RYR2: variants seen among roughly 807,000 people sequenced by gnomAD.
The protein encoded by RYR2 is ryanodine receptor 2, also known as cardiac muscle ryanodine receptor-calcium release channel.
Under a neutral mutation model 601.1 loss-of-function variants are expected in RYR2, and 227 were observed. The observed-to-expected ratio is 0.38, with a 90% CI of 0.34 to 0.42. The LOEUF is 0.42. Ranked by LOEUF, RYR2 falls within the 10% of genes least tolerant of loss-of-function variation. RYR2 has a pLI of 1.00. For synonymous variants in RYR2, 2,223 were observed against 2,175.1 expected, an observed-to-expected ratio of 1.02 and a Z score of -0.61; for missense variants, 4,646 against 6,156.5, an observed-to-expected ratio of 0.75 and a Z score of 8.21.
rs1215753475 is a variant in RYR2, at chr1:237,627,921, G to A, written c.6281G>A (p.Gly2094Asp). 1.2e-6 allele frequency: 2 copies of A among 1,613,730 alleles called. No homozygotes were observed. The highest frequency in any genetic ancestry group is 1.7e-6 in the Non-Finnish European group (2 of 1,179,882). ...MFVLLHRQYD[G>D]IGGLVRALPK... ...GTGTTGCTCCATCGGCAGTATGACG[G>A]CATTGGGGGTCTTGTTCGGGCCCTG... The change falls in exon 41 of 105, where the codon GGC (glycine) becomes GAC (aspartate). Residue 2094 changes from glycine (G) to aspartate (D), a missense_variant. Gly to Asp is a moderately conservative substitution (Grantham distance 94, BLOSUM62 -1). Around this residue, in one of 17 missense-constraint regions of RYR2, gnomAD observed 170 missense variants for 184.5 expected, o/e 0.92. Transcript: ENST00000366574.
intron 38 of RYR2, 53 bp from the exon 39 acceptor site, chr1:237,623,712 T>C (rs1468079841): frequency 1.6e-6 from 2 of 1,226,352 alleles, no homozygotes; most frequent in African/African-American, 3.0e-5. Context: ...ATTCTTGAAT[T>C]CACCTTTCTT....
chr1:237,746,234 G>C (rs1692063771), intron 80 of RYR2, among the ~76,000 whole-genome samples: 1 of 152,128 alleles, frequency 6.6e-6, no homozygotes, highest in South Asian at 2.1e-4. Context: ...AAATATGAAA[G>C]GCTACTTGTC....
intron 1 of RYR2, among the ~76,000 whole-genome samples, chr1:237,118,713 C>G (rs1322077390): frequency 6.6e-6 from 1 of 152,090 alleles, no homozygotes; most frequent in East Asian, 1.9e-4. Flanking sequence ...AAGCGATTCT[C>G]CTGCCTCAGC....
chr1:237,673,525 A>G (rs1278835145), intron 58 of RYR2, among the ~76,000 whole-genome samples: 1 of 152,194 alleles, frequency 6.6e-6, no homozygotes, highest in Non-Finnish European at 1.5e-5. Flanking sequence ...CGTGGTTTAA[A>G]GTCAAGTATT....
chr1:237,726,877 A>G (rs926980829), intron 75 of RYR2, among the ~76,000 whole-genome samples: 5 of 152,106 alleles, frequency 3.3e-5, no homozygotes, highest in African/African-American at 4.8e-5. Context: ...ATTTGCAACT[A>G]TCTAAATTTT....
At chr1:237,466,182 T>C (rs1448733064) in intron 16 of RYR2, among the ~76,000 whole-genome samples, 1 of 152,168 alleles carries the variant, frequency 6.6e-6, no homozygotes, top group Non-Finnish European at 1.5e-5. Flanking sequence ...AATTCCTTTT[T>C]TGAGATAGGG....
At chr1:237,199,059 G>A (rs1226734316) in intron 1 of RYR2, among the ~76,000 whole-genome samples, 2 of 152,112 alleles carry the variant, frequency 1.3e-5, no homozygotes, top group Admixed American at 6.6e-5. Flanking sequence ...TTCAAAGGTG[G>A]TTCCTTGCCG....
chr1:237,608,802 T>G (rs1450339041), intron 35 of RYR2, among the ~76,000 whole-genome samples: 2 of 123,466 alleles, frequency 1.6e-5, no homozygotes, highest in Admixed American at 1.4e-4. Flanking sequence ...ACCTGTTTTT[T>G]TTTTTTTTTT....
chr1:237,214,546 A>G (rs745667280), intron 1 of RYR2, among the ~76,000 whole-genome samples: 1 of 152,194 alleles, frequency 6.6e-6, no homozygotes, highest in Non-Finnish European at 1.5e-5. Context: ...GAACTCACTC[A>G]TTACTGCAAG....
chr1:237,437,277 C>T (rs976978535), intron 12 of RYR2, among the ~76,000 whole-genome samples: 3 of 152,058 alleles, frequency 2.0e-5, no homozygotes, highest in Non-Finnish European at 4.4e-5. Context: ...TGGTCTTGAT[C>T]TCCTGACCTC....
intron 1 of RYR2, among the ~76,000 whole-genome samples, chr1:237,141,060 C>T (rs767477735): frequency 3.3e-5 from 5 of 152,136 alleles, no homozygotes; most frequent in Non-Finnish European, 7.4e-5. Context: ...CAATCTTGTA[C>T]ATGTCTTCTT....
chr1:237,490,101 A>G (rs2150404936), intron 17 of RYR2, among the ~76,000 whole-genome samples: 1 of 152,330 alleles, frequency 6.6e-6, no homozygotes. Flanking sequence ...CATACAGCGT[A>G]TTATCACTTA....
chr1:237,605,825 C>G (rs542481753), intron 35 of RYR2, among the ~76,000 whole-genome samples: 35 of 151,500 alleles, frequency 2.3e-4, no homozygotes, highest in Non-Finnish European at 2.9e-5. Flanking sequence ...CAATTGCTTC[C>G]AAGAGAATAA....
chr1:237,264,469 T>G (rs867879635), intron 1 of RYR2, among the ~76,000 whole-genome samples: 2 of 152,158 alleles, frequency 1.3e-5, no homozygotes, highest in Admixed American at 1.3e-4. Context: ...GAGAAAGATC[T>G]CATGTTGAGC....
In RYR2 at chr1:237,792,119, T is replaced by C. The variant is rs755759654; in HGVS notation, c.13578T>C (p.Ser4526=). Residue 4526 remains serine (S), a synonymous_variant, in exon 94 of 105, where the codon TCT becomes TCC. Coordinates refer to ENST00000366574, the MANE Select transcript of RYR2 (RefSeq NM_001035.3). ...CTTTGAATCAGGTCTCCACTTCTTCTGTGGTTGAAGGAAAGGAGCTCCCCA... is the reference window on the plus strand; with the variant it reads ...CTTTGAATCAGGTCTCCACTTCTTCCGTGGTTGAAGGAAAGGAGCTCCCCA... ...ILLFYKVSTS[S]VVEGKELPTR... 3.1e-6 allele frequency: 5 copies of C among 1,598,138 alleles called. No homozygotes were observed. The highest frequency in any genetic ancestry group is 1.7e-4 in the Middle Eastern group (1 of 6,046).
intron 1 of RYR2, among the ~76,000 whole-genome samples, chr1:237,054,219 T>G (rs930965451): frequency 6.9e-6 from 1 of 145,162 alleles, no homozygotes; most frequent in African/African-American, 2.5e-5. Context: ...CTTCCTTCCT[T>G]TTTCTTCCCT....
chr1:237,061,250 T>TATCTATCTATC (rs1553275423), intron 1 of RYR2, among the ~76,000 whole-genome samples: 1 of 119,920 alleles, frequency 8.3e-6, no homozygotes, highest in Non-Finnish European at 1.8e-5. Context: ...TCTATCTATC[T>TATCTATCTATC]ATCATCTATC....
At chr1:237,275,092 GCACA>G (rs111310759) in intron 2 of RYR2, among the ~76,000 whole-genome samples, 17 of 144,692 alleles carry the variant, frequency 1.2e-4, no homozygotes, top group South Asian at 1.1e-3. Flanking sequence ...ACACATACAC[GCACA>G]CACACACACA....
At chr1:237,468,120 A>G (rs1293882209) in intron 16 of RYR2, among the ~76,000 whole-genome samples, 1 of 152,022 alleles carries the variant, frequency 6.6e-6, no homozygotes, top group African/African-American at 2.4e-5. Flanking sequence ...AGCCTCCCAA[A>G]GCGCTGGGAT....
Sources: gnomAD v4.1 joint callset for allele counts (sites outside exome capture counted in the v4.1 genomes callset) on GRCh38, gnomAD v4.1.1 for gene constraint, gnomAD v4.1.1 regional missense constraint, MANE v1.5 for transcripts, NCBI Gene and HGNC (gene_info 2026-07-23, HGNC 2026-07-21) for gene names.